Variants in TENM2 observed in about 807,000 individuals in gnomAD.
The protein encoded by TENM2 is teneurin-2.
A neutral mutation model predicts 245.2 loss-of-function variants in TENM2; 52 were observed. The ratio of observed to expected loss-of-function variants is 0.21; its 90% CI spans 0.17 to 0.27. The LOEUF (loss-of-function observed/expected upper bound fraction) is 0.27, where lower values mean the gene tolerates loss of function less well. TENM2 is among the 10% of genes least tolerant of loss of function. TENM2 has a pLI of 1.00. For synonymous variants in TENM2, 1,363 were observed against 1,438.9 expected (o/e 0.95, Z 1.19); for missense variants, 3,046 against 3,666.8 (o/e 0.83, Z 4.37).
At chr5:167,630,220 A>C (rs1442849253) in intron 2 of TENM2, among the ~76,000 whole-genome samples, 2 of 151,766 alleles carry the variant, frequency 1.3e-5, no homozygotes, top group African/African-American at 2.4e-5. Flanking sequence ...GCATATCCGA[A>C]TTACCAGCAT....
At chr5:168,061,963 A>G (rs1790075692) in intron 6 of TENM2, 97 bp from the exon 9 acceptor site, 3 of 1,121,944 alleles carry the variant, frequency 2.7e-6, no homozygotes, top group Non-Finnish European at 3.7e-6. Context: ...ATATTAAAAC[A>G]ACAACAAAAA....
chr5:167,529,102 T>C (rs1408681489), intron 2 of TENM2, among the ~76,000 whole-genome samples: 2 of 152,212 alleles, frequency 1.3e-5, no homozygotes, highest in Non-Finnish European at 2.9e-5. Context: ...TCTCCTTTTA[T>C]CTGGAGAACT....
At chr5:168,206,010 C>T (rs1209585686) in intron 19 of TENM2, among the ~76,000 whole-genome samples, 5 of 152,268 alleles carry the variant, frequency 3.3e-5, no homozygotes, top group African/African-American at 1.2e-4. Flanking sequence ...AATATATTTT[C>T]GAGGTAAATC....
At chr5:167,201,346 G>C in the TENM2 span, among the ~76,000 whole-genome samples, 59 of 152,246 alleles carry the variant, frequency 3.9e-4, no homozygotes, top group African/African-American at 1.4e-3. Flanking sequence ...CTAGGTAAAT[G>C]GGAAAGAAAA....
chr5:167,929,089 GAAA>G (rs1778047359), intron 3 of TENM2, among the ~76,000 whole-genome samples: 1 of 81,812 alleles, frequency 1.2e-5, no homozygotes, highest in Admixed American at 1.4e-4. Context: ...AAGAAAGAAA[GAAA>G]GAAAGAAAGA....
At chr5:167,419,287 C>T (rs1208562310) in intron 2 of TENM2, among the ~76,000 whole-genome samples, 1 of 151,984 alleles carries the variant, frequency 6.6e-6, no homozygotes, top group Non-Finnish European at 1.5e-5. Context: ...CGTGGTGAAA[C>T]CCCACCTCTA....
intron 23 of TENM2, among the ~76,000 whole-genome samples, chr5:168,223,795 G>A (rs1020934006): frequency 6.6e-6 from 1 of 151,994 alleles, no homozygotes; most frequent in African/African-American, 2.4e-5. Context: ...TAAATTATGG[G>A]AAAATGCAAA....
At chr5:167,010,571 G>C in the TENM2 span, among the ~76,000 whole-genome samples, 6 of 152,158 alleles carry the variant, frequency 3.9e-5, no homozygotes, top group Admixed American at 1.3e-4. Flanking sequence ...ACTGTATAAA[G>C]ATATCCTACT....
intron 2 of TENM2, among the ~76,000 whole-genome samples, chr5:167,649,439 C>T (rs555449240): frequency 5.9e-5 from 9 of 152,272 alleles, no homozygotes; most frequent in South Asian, 2.1e-4. Context: ...CTAATGAACA[C>T]GTTCCCCTAG....
At chr5:168,024,639 T>C (rs1786449747) in intron 5 of TENM2, among the ~76,000 whole-genome samples, 1 of 152,218 alleles carries the variant, frequency 6.6e-6, no homozygotes, top group Non-Finnish European at 1.5e-5. Flanking sequence ...CAGACGCTTG[T>C]TTCCTTTCTA....
At chr5:168,039,598 A>G (rs1238592911) in intron 5 of TENM2, among the ~76,000 whole-genome samples, 1 of 151,982 alleles carries the variant, frequency 6.6e-6, no homozygotes, top group Non-Finnish European at 1.5e-5. Flanking sequence ...GCGGTGGGAA[A>G]CGACACTCTG....
chr5:167,363,623 C>T (rs376419118), intron 1 of TENM2, among the ~76,000 whole-genome samples: 1 of 145,380 alleles, frequency 6.9e-6, no homozygotes, highest in Non-Finnish European at 1.5e-5. Context: ...CCCAGCTACT[C>T]GGGAGGCTGA....
intron 5 of TENM2, among the ~76,000 whole-genome samples, chr5:168,028,153 G>A (rs1786789609): frequency 6.6e-6 from 1 of 152,168 alleles, no homozygotes; most frequent in Non-Finnish European, 1.5e-5. Context: ...TGAGAGACAG[G>A]GTTGGACCAG....
chr5:167,452,950 T>TATATATATATATTTTAA (rs1765690202), intron 2 of TENM2, among the ~76,000 whole-genome samples: 14 of 99,626 alleles, frequency 1.4e-4, no homozygotes, highest in African/African-American at 4.4e-4. Context: ...TATATATATA[T>TATATATATATATTTTAA]ATATATATAT....
chr5:167,212,425 T>G, the TENM2 span, among the ~76,000 whole-genome samples: 1 of 152,218 alleles, frequency 6.6e-6, no homozygotes. Context: ...ATCTACTTGA[T>G]GTATTCTTGA....
chr5:167,112,666 A>C, the TENM2 span, among the ~76,000 whole-genome samples: 1 of 152,238 alleles, frequency 6.6e-6, no homozygotes, highest in East Asian at 1.9e-4. Context: ...GATGGAATTC[A>C]CTGAAATTCT....
At chr5:167,845,927 C>T (rs1770000891) in intron 2 of TENM2, among the ~76,000 whole-genome samples, 1 of 152,178 alleles carries the variant, frequency 6.6e-6, no homozygotes, top group Non-Finnish European at 1.5e-5. Context: ...CTACAGTGAC[C>T]TTTCCACTTA....
chr5:167,013,328 CA>C, the TENM2 span, among the ~76,000 whole-genome samples: 1 of 152,264 alleles, frequency 6.6e-6, no homozygotes, highest in African/African-American at 2.4e-5. Context: ...AATCCTGTAG[CA>C]CCCCATGTCA....
chr5:167,001,743 G>A, the TENM2 span, among the ~76,000 whole-genome samples: 1 of 151,974 alleles, frequency 6.6e-6, no homozygotes, highest in African/African-American at 2.4e-5. Flanking sequence ...AAATACTATT[G>A]TATCAGTGGG....
Sources: allele counts gnomAD v4.1 joint callset (sites outside exome capture counted in the v4.1 genomes callset), GRCh38; gene constraint gnomAD v4.1.1; transcripts MANE v1.5; gene names NCBI Gene and HGNC (gene_info 2026-07-23, HGNC 2026-07-21).